AMBRA1: variants seen among roughly 807,000 people sequenced by gnomAD.
AMBRA1 encodes the protein autophagy and beclin 1 regulator 1.
In AMBRA1, 47 loss-of-function variants were observed where a neutral mutation model predicts 125.4. The ratio of observed to expected loss-of-function variants is 0.37; its 90% CI spans 0.30 to 0.48. The LOEUF is 0.48. AMBRA1 is among the 20% of genes least tolerant of loss of function. The pLI is 0.99. For synonymous variants in AMBRA1, 626 were observed against 655.5 expected, an observed-to-expected ratio of 0.95 and a Z score of 0.69; for missense variants, 1,331 against 1,693.4, an observed-to-expected ratio of 0.79 and a Z score of 3.76.
chr11:46,546,031 TTC>T, intron 4 of AMBRA1: 2 of 281,944 alleles, frequency 7.1e-6, no homozygotes, highest in African/African-American at 2.3e-5. Context: ...CAGTTCCTAT[TTC>T]TTTTTTTTTT....
At chr11:46,532,104 G>A in intron 7 of AMBRA1, among the ~76,000 whole-genome samples, 1 of 152,178 alleles carries the variant, frequency 6.6e-6, no homozygotes, top group East Asian at 1.9e-4. Flanking sequence ...GGGTGACAGA[G>A]CAAGACTATG....
intron 1 of AMBRA1, among the ~76,000 whole-genome samples, chr11:46,570,703 T>A (rs547362820): frequency 4.6e-5 from 7 of 152,282 alleles, no homozygotes; most frequent in Admixed American, 2.0e-4. Context: ...AGGTTAATGA[T>A]ACAACACTGG....
At chr11:46,448,244 T>A (rs1424850536) in intron 11 of AMBRA1, among the ~76,000 whole-genome samples, 1 of 152,128 alleles carries the variant, frequency 6.6e-6, no homozygotes, top group African/African-American at 2.4e-5. Context: ...AGAAAAGGAA[T>A]AATACATATT....
chr11:46,584,290 G>A (rs1202838801), intron 1 of AMBRA1, among the ~76,000 whole-genome samples: 3 of 146,212 alleles, frequency 2.1e-5, no homozygotes, highest in Admixed American at 1.4e-4. Context: ...ACCAAACACC[G>A]CATGTTCTCA....
intron 17 of AMBRA1, among the ~76,000 whole-genome samples, chr11:46,399,302 G>A (rs1320245743): frequency 6.6e-6 from 1 of 152,180 alleles, no homozygotes; most frequent in African/African-American, 2.4e-5. Flanking sequence ...TCGAACTCCT[G>A]ACCTCAGGTA....
intron 7 of AMBRA1, among the ~76,000 whole-genome samples, chr11:46,541,174 T>C (rs1289136200): frequency 1.3e-5 from 2 of 152,200 alleles, no homozygotes; most frequent in African/African-American, 4.8e-5. Context: ...GATGCGCACA[T>C]AGCCATACAT....
At chr11:46,585,262 CTTGT>C (rs1418218845) in intron 1 of AMBRA1, among the ~76,000 whole-genome samples, 1 of 151,964 alleles carries the variant, frequency 6.6e-6, no homozygotes, top group Admixed American at 6.6e-5. Flanking sequence ...CCTTTGTTCA[CTTGT>C]TTATCTGCTG....
chr11:46,419,104 C>A (rs1475359650), intron 14 of AMBRA1, among the ~76,000 whole-genome samples: 1 of 152,160 alleles, frequency 6.6e-6, no homozygotes, highest in Non-Finnish European at 1.5e-5. Context: ...ATGGAGGGAG[C>A]GGAGCAGAGG....
chr11:46,404,258 C>G (rs899999557), intron 17 of AMBRA1, among the ~76,000 whole-genome samples: 1 of 152,194 alleles, frequency 6.6e-6, no homozygotes, highest in African/African-American at 2.4e-5. Context: ...GATCTCCCTT[C>G]TAGCCCAGCC....
intron 7 of AMBRA1, among the ~76,000 whole-genome samples, chr11:46,531,140 C>T (rs1952199566): frequency 6.6e-6 from 1 of 152,154 alleles, no homozygotes; most frequent in South Asian, 2.1e-4. Flanking sequence ...GCCTCGGCCT[C>T]CCAAAGTGCT....
intron 1 of AMBRA1, among the ~76,000 whole-genome samples, chr11:46,572,454 T>C (rs2043800628): frequency 1.3e-5 from 2 of 152,232 alleles, no homozygotes; most frequent in Non-Finnish European, 2.9e-5. Flanking sequence ...AGTCCAAGTT[T>C]TCTCATTTAA....
At chr11:46,505,566 T>A (rs930042765) in intron 9 of AMBRA1, among the ~76,000 whole-genome samples, 1 of 151,936 alleles carries the variant, frequency 6.6e-6, no homozygotes, top group Non-Finnish European at 1.5e-5. Flanking sequence ...AATCAGTCCA[T>A]TGTTACTAAC....
At position 46,397,490 on chromosome 11, in the gene AMBRA1, C is replaced by T. The variant is rs1354642426; in HGVS notation, c.3857G>A (p.Gly1286Glu). 1.3e-6 allele frequency: 2 copies of T among 1,525,764 alleles called. No homozygotes were observed. The highest frequency in any genetic ancestry group is 1.8e-6 in the Non-Finnish European group (2 of 1,135,048). The allele number at this position is 1,525,764 out of a possible 1,614,324, so 94.5% of individuals were successfully genotyped here. ...NHLLDGGSSRGDAAGPRGEPR... is the reference protein window; with the variant it reads ...NHLLDGGSSREDAAGPRGEPR... ...TTCTCCCCTAGGGCCTGCAGCGTCCCCCCTGCTGCTGCCACCATCCAGAAG... is the reference window on the plus strand; with the variant it reads ...TTCTCCCCTAGGGCCTGCAGCGTCCTCCCTGCTGCTGCCACCATCCAGAAG... Residue 1286 changes from glycine (G) to glutamate (E), a missense_variant, in exon 18 of 18, where the codon GGG becomes GAG. By Grantham distance (98) the Gly-to-Glu change is moderately conservative. Around this residue, in one of 4 missense-constraint regions of AMBRA1, gnomAD observed 144 missense variants for 133.9 expected, o/e 1.08. Coordinates refer to ENST00000683756, the MANE Select transcript of AMBRA1 (RefSeq NM_001387011.1).
At chr11:46,538,264 T>C (rs1023846175) in intron 7 of AMBRA1, among the ~76,000 whole-genome samples, 1 of 152,192 alleles carries the variant, frequency 6.6e-6, no homozygotes, top group African/African-American at 2.4e-5. Flanking sequence ...TCCATATAAA[T>C]AATGTAACTA....
chr11:46,517,690 C>A (rs1258956422), intron 7 of AMBRA1, among the ~76,000 whole-genome samples: 1 of 149,706 alleles, frequency 6.7e-6, no homozygotes, highest in Non-Finnish European at 1.5e-5. Flanking sequence ...AAAAATTAGC[C>A]GGGCCTGGTG....
intron 9 of AMBRA1, among the ~76,000 whole-genome samples, chr11:46,507,212 G>T (rs1951073069): frequency 6.8e-6 from 1 of 147,656 alleles, no homozygotes; most frequent in African/African-American, 2.5e-5. Context: ...TGGCACGGTG[G>T]GTCACGCCTG....
chr11:46,404,512 C>A (rs1447637745), intron 17 of AMBRA1, among the ~76,000 whole-genome samples: 2 of 152,240 alleles, frequency 1.3e-5, no homozygotes, highest in African/African-American at 2.4e-5. Context: ...AGTGCCCATA[C>A]CCTCTGACCC....
intron 17 of AMBRA1, among the ~76,000 whole-genome samples, chr11:46,401,645 G>A (rs1206286527): frequency 2.0e-5 from 3 of 152,176 alleles, no homozygotes; most frequent in Admixed American, 1.3e-4. Flanking sequence ...CAGGCTCTGC[G>A]GGAGGCCCTG....
At position 46,542,480 on chromosome 11, in the gene AMBRA1, G is replaced by A. The variant is rs1322331436; in HGVS notation, c.1537C>T (p.Leu513Phe). ...LRRFFLEYDR[L>F]QELDQSLSGE... ...CTCAGGCTCTGATCCAGCTCCTGAA[G>A]CCGGTCATACTCCAGAAAGAAGCGT... is the stretch of plus-strand genomic sequence containing the variant. The change falls in exon 7 of 18, where the codon CTT (leucine) becomes TTT (phenylalanine). Residue 513 changes from leucine (L) to phenylalanine (F), a missense_variant. Physicochemically the swap from Leu to Phe is conservative, Grantham distance 22 (BLOSUM62 0). Coordinates refer to ENST00000683756, the MANE Select transcript of AMBRA1 (RefSeq NM_001387011.1). This position sits in a 1 kb window ranked among gnomAD's most constrained non-coding sequence, Gnocchi z 5.9. 2 of 1,613,714 alleles carry A rather than the reference G, an allele frequency of 1.2e-6. No homozygotes were observed. Among genetic ancestry groups the A allele is most frequent in the Non-Finnish European group, 1.7e-6 (2 of 1,180,044 alleles).
Sources: gnomAD v4.1 joint callset for allele counts (sites outside exome capture counted in the v4.1 genomes callset) on GRCh38, gnomAD v4.1.1 for gene constraint, gnomAD v4.1.1 regional missense constraint, Gnocchi (gnomAD v3.1) non-coding constraint, MANE v1.5 for transcripts, NCBI Gene and HGNC (gene_info 2026-07-23, HGNC 2026-07-21) for gene names.